ADGRG4: variants seen among roughly 807,000 people sequenced by gnomAD.
ADGRG4 encodes adhesion G protein-coupled receptor G4, also known as G protein-coupled receptor 112.
ADGRG4 carries 122 observed loss-of-function variants against 126.2 expected under a neutral mutation model. The ratio of observed to expected loss-of-function variants is 0.97; its 90% confidence interval spans 0.83 to 1.12. ADGRG4 has a LOEUF of 1.12. Among genes scored for constraint, ADGRG4 ranks in the 50% most tolerant of loss-of-function variants. The pLI, the probability that ADGRG4 is intolerant of heterozygous loss-of-function variation, is 0.00. For synonymous variants in ADGRG4, 943 were observed against 838.7 expected (o/e 1.12, Z -2.15); for missense variants, 2,481 against 2,251.8 (o/e 1.10, Z -2.06).
rs762523105 is a variant in ADGRG4 at position 136,399,990 on chromosome X, C to G, written c.8449C>G (p.His2817Asp). The change falls in exon 21 of 26, where the codon CAT becomes GAT. Residue 2817 changes from histidine (H) to aspartate (D), a missense_variant. Transcript: ENST00000394143. ...GVCITAAVAL[H>D]YFLLVSFTWM... The stretch of plus-strand genomic sequence containing the variant: ...TTGTATCACAGCTGCAGTGGCACTT[C>G]ATTACTTCCTGCTTGTTTCTTTTAC... The G allele has an allele frequency of 1.7e-5, 20 of 1,211,269 alleles. No homozygotes were observed. Among genetic ancestry groups the G allele is most frequent in the Non-Finnish European group, 2.1e-5 (19 of 894,970 alleles).
In ADGRG4 at chrX:136,345,065, G is replaced by T; in HGVS notation, c.1359G>T (p.Lys453Asn). 1 of 1,210,471 alleles carries T rather than the reference G, an allele frequency of 8.3e-7. No homozygotes were observed. Among genetic ancestry groups the T allele is most frequent in the South Asian group, 1.8e-5 (1 of 56,941 alleles). Residue 453 changes from lysine to asparagine, a missense_variant, in exon 6 of 26, where the codon AAG becomes AAT. By Grantham distance (94) the Lys-to-Asn change is moderately conservative. Transcript: ENST00000394143. ...CTGTACCTTGGTTTACAGTGGAAAA[G>T]ACTTCACCTGCATCTACTCATGTTG... ...AGTVPWFTVE[K>N]TSPASTHVGT...
rs750486346 is a variant in ADGRG4 at position 136,349,113 on chromosome X, G to C, written c.5407G>C (p.Glu1803Gln). 8.3e-7 allele frequency: 1 copy of C among 1,205,367 alleles called. No individual in the cohort carries two copies. Among genetic ancestry groups the C allele is most frequent in the East Asian group, 3.0e-5 (1 of 33,756 alleles). The change falls in exon 6 of 26, where the codon GAA (glutamate) becomes CAA (glutamine). Residue 1803 changes from glutamate to glutamine, a missense_variant. Physicochemically the swap from Glu to Gln is conservative, Grantham distance 29. Transcript: ENST00000394143. Reference sequence around the variant, plus strand: ...TACTAGAAAGATGACTTCCTTGTTAGAAAAGACTTCCTTAACAAACTATGC... The same window carrying C: ...TACTAGAAAGATGACTTCCTTGTTACAAAAGACTTCCTTAACAAACTATGC... Reference protein sequence around the residue: ...SNTRKMTSLLEKTSLTNYATS... With the variant: ...SNTRKMTSLLQKTSLTNYATS...
intron 4 of ADGRG4, among the ~76,000 whole-genome samples, chrX:136,321,632 T>C (rs188876947): frequency 1.8e-5 from 2 of 111,474 alleles, no homozygotes; most frequent in East Asian, 5.7e-4. Context: ...TGGAATTAGG[T>C]TGATAATTAG....
intron 15 of ADGRG4, among the ~76,000 whole-genome samples, chrX:136,381,397 G>C (rs1354770679): frequency 1.8e-5 from 2 of 110,722 alleles, no homozygotes; most frequent in African/African-American, 6.6e-5. Flanking sequence ...GACCACAGGT[G>C]CATGTCACCA....
chrX:136,383,386 T>C (rs912491210), intron 15 of ADGRG4, among the ~76,000 whole-genome samples: 10 of 112,020 alleles, frequency 8.9e-5, no homozygotes, highest in African/African-American at 3.2e-4. Context: ...CCTAAACATA[T>C]TTATCATTAT....
intron 4 of ADGRG4, among the ~76,000 whole-genome samples, chrX:136,311,315 G>A (rs2074769092): frequency 9.2e-6 from 1 of 109,022 alleles, no homozygotes; most frequent in South Asian, 4.0e-4. Context: ...CTGGCTATTG[G>A]CTGTGTAATG....
rs2075028590 is a variant in ADGRG4, at chrX:136,347,724, A to G, written c.4018A>G (p.Thr1340Ala). 8.3e-7 allele frequency: 1 copy of G among 1,208,990 alleles called. No individual in the cohort carries two copies. The highest frequency in any genetic ancestry group is 2.2e-5 in the Admixed American group (1 of 45,739). ...TCCCACTTCTGGAAGCACACAGATT[A>G]CACCAACCTTGACCTCAAGTAACAC... ...SSPTSGSTQI[T>A]PTLTSSNTVG... The change falls in exon 6 of 26, where the codon ACA (threonine) becomes GCA (alanine). Residue 1340 changes from threonine to alanine, a missense_variant. Thr to Ala is a moderately conservative substitution (Grantham distance 58). Coordinates refer to ENST00000394143, the MANE Select transcript of ADGRG4 (RefSeq NM_153834.4).
chrX:136,413,017 C>G (rs2075454325), intron 24 of ADGRG4, among the ~76,000 whole-genome samples: 1 of 110,997 alleles, frequency 9.0e-6, no homozygotes, highest in South Asian at 3.9e-4. Context: ...TAAGATTCTA[C>G]AAGTAGCACT....
rs147817791 is a variant in ADGRG4, at chrX:136,360,797, C to T, written c.7145-658C>T. On this transcript the variant is annotated intron_variant, in intron 11 of 25. Coordinates refer to ENST00000394143, the MANE Select transcript of ADGRG4 (RefSeq NM_153834.4). Reference sequence around the variant, plus strand: ...GTCTATACTGATCATGTCAGATACACTGAATTTACTAAAATGAAATCCATC... The same window carrying T: ...GTCTATACTGATCATGTCAGATACATTGAATTTACTAAAATGAAATCCATC... 7.5e-3 allele frequency among the ~76,000 whole-genome samples: 829 copies of T among 110,780 alleles called. 6 individuals are homozygous for T. The highest frequency in any genetic ancestry group is 0.025 in the African/African-American group (766 of 30,399).
chrX:136,342,072 C>T (rs746711819), intron 5 of ADGRG4, among the ~76,000 whole-genome samples: 6 of 111,986 alleles, frequency 5.4e-5, no homozygotes, highest in African/African-American at 1.9e-4. Context: ...CTAAATTCCA[C>T]TTATCCACGT....
rs1255449362 is a variant in ADGRG4 at position 136,377,284 on chromosome X, C to T, written c.7776+4220C>T. Among the ~76,000 whole-genome samples the T allele has an allele frequency of 3.8e-5, 4 of 104,492 alleles. No homozygotes were observed. In the East Asian group the frequency reaches 1.2e-3, roughly 31 times the overall value. The allele number at this position is 104,492 out of a possible 115,157, so 90.7% of individuals were successfully genotyped here. ...CACAGATCACTGCAGCCTTGACCTC[C>T]TGGGCTCAAGCAATCCTCCTGCCTC... On this transcript the variant is annotated intron_variant, in intron 15 of 25. Transcript: ENST00000394143.
intron 16 of ADGRG4, among the ~76,000 whole-genome samples, chrX:136,388,485 T>C (rs957028952): frequency 3.6e-5 from 4 of 112,458 alleles, no homozygotes; most frequent in Non-Finnish European, 7.5e-5. Flanking sequence ...TCAACCTTCA[T>C]GTGCCTTAAT....
At chrX:136,390,197 C>T (rs989514421) in intron 16 of ADGRG4, among the ~76,000 whole-genome samples, 1 of 111,038 alleles carries the variant, frequency 9.0e-6, no homozygotes, top group African/African-American at 3.3e-5. Context: ...AATATAGGTG[C>T]TCACCACTGT....
Position 136,395,375 on chromosome X carries a change from T to G in ADGRG4, c.8081-15T>G. 1 of 1,100,719 alleles carries G rather than the reference T, an allele frequency of 9.1e-7. No individual in the cohort carries two copies. The highest frequency in any genetic ancestry group is 1.2e-6 in the Non-Finnish European group (1 of 802,187). The allele number at this position is 1,100,719 out of a possible 1,213,427, so 90.7% of individuals were successfully genotyped here. A position where few individuals can be genotyped will look rare whatever the true frequency, so the allele number is the denominator to read the frequency against. ...AAAACAAAATTGCTTTGAAATTTCC[T>G]TCTGTCTCCTACAGATGGGCTGGGT... is the stretch of plus-strand genomic sequence containing the variant. On this transcript the variant is annotated splice_polypyrimidine_tract_variant and intron_variant, in intron 18 of 25. Coordinates refer to ENST00000394143, the MANE Select transcript of ADGRG4 (RefSeq NM_153834.4).
At position 136,344,615 on chromosome X, in the gene ADGRG4, A is replaced by G. The variant is rs768565697; in HGVS notation, c.909A>G (p.Leu303=). The change falls in exon 6 of 26, where the codon TTA becomes TTG. Residue 303 remains leucine (L), a synonymous_variant. Transcript: ENST00000394143. Reference sequence around the variant, plus strand: ...AAACAATGACTGCACAAAAAATCTTAAAGACACTGGTAGATGAGACAGCTA... The same window carrying G: ...AAACAATGACTGCACAAAAAATCTTGAAGACACTGGTAGATGAGACAGCTA... The part of the protein sequence containing the change: ...PLETMTAQKI[L]KTLVDETATF... The G allele has an allele frequency of 1.7e-6, 2 of 1,209,326 alleles. No individual in the cohort carries two copies. Among genetic ancestry groups the G allele is most frequent in the East Asian group, 3.0e-5 (1 of 33,823 alleles).
chrX:136,353,360 T>G lies in ADGRG4; in HGVS notation c.6846T>G (p.Ser2282Arg). ...AGTTGAATTCTATATTTCAGAACAG[T>G]GAATTTTCTCTTGCTACTCTGGAAA... ...ENSLNSIFQN[S>R]EFSLATLETQ... The change falls in exon 8 of 26, where the codon AGT becomes AGG. Residue 2282 changes from serine (S) to arginine (R), a missense_variant. Transcript: ENST00000394143. The G allele has an allele frequency of 8.4e-7, 1 of 1,196,840 alleles. No homozygotes were observed. Among genetic ancestry groups the G allele is most frequent in the African/African-American group, 1.7e-5 (1 of 57,390 alleles).
At position 136,405,903 on chromosome X, in the gene ADGRG4, G is replaced by A. The variant is rs1255728326; in HGVS notation, c.8866G>A (p.Ala2956Thr). Residue 2956 changes from alanine to threonine, a missense_variant, in exon 23 of 26, where the codon GCA (alanine) becomes ACA (threonine). Physicochemically the swap from Ala to Thr is moderately conservative, Grantham distance 58. Transcript: ENST00000394143. ...CTTACTTGGCCTCACCTGGGGGTTT[G>A]CATTTTTTGCTTGGGGACCCATGAG... ...TFLLGLTWGFAFFAWGPMRNF... is the reference protein window; with the variant it reads ...TFLLGLTWGFTFFAWGPMRNF... 2 of 1,178,848 alleles carry A rather than the reference G, an allele frequency of 1.7e-6. No individual in the cohort carries two copies. The highest frequency in any genetic ancestry group is 6.0e-5 in the East Asian group (2 of 33,166).
intron 6 of ADGRG4, among the ~76,000 whole-genome samples, chrX:136,351,052 A>C (rs1482577434): frequency 4.5e-5 from 5 of 111,688 alleles, no homozygotes; most frequent in Non-Finnish European, 7.5e-5. Flanking sequence ...GGAGAGAAAA[A>C]CCCAAAGCAG....
chrX:136,385,211 T>C (rs1398810176), intron 15 of ADGRG4, among the ~76,000 whole-genome samples: 1 of 111,544 alleles, frequency 9.0e-6, no homozygotes, highest in African/African-American at 3.3e-5. Context: ...ACCCATCCTG[T>C]GCAATTTTTT....
Sources: allele counts gnomAD v4.1 joint callset (sites outside exome capture counted in the v4.1 genomes callset), GRCh38; gene constraint gnomAD v4.1.1; transcripts MANE v1.5; gene names NCBI Gene and HGNC (gene_info 2026-07-23, HGNC 2026-07-21).